The following ITGBL1 variants were observed in gnomAD, a reference collection of about 807,000 sequenced individuals.
ITGBL1 encodes integrin beta-like protein 1.
In ITGBL1, 51 loss-of-function variants were observed where a neutral mutation model predicts 68.5. The ratio of observed to expected loss-of-function variants is 0.74; its 90% CI spans 0.59 to 0.94. The LOEUF (loss-of-function observed/expected upper bound fraction) is 0.94, where lower values mean the gene tolerates loss of function less well. ITGBL1 is among the 40% of genes least tolerant of loss of function. ITGBL1 has a pLI of 0.00. For missense variants in ITGBL1, 649 were observed against 647.4 expected, an observed-to-expected ratio of 1.00 and a Z score of -0.03; for synonymous variants, 209 against 227.3, an observed-to-expected ratio of 0.92 and a Z score of 0.72.
At chr13:101,558,458 T>A (rs2050046257) in intron 2 of ITGBL1, among the ~76,000 whole-genome samples, 1 of 152,168 alleles carries the variant, frequency 6.6e-6, no homozygotes. Context: ...ACCCCCTGAA[T>A]CTAAATTTTT....
chr13:101,506,884 ATTGT>A (rs1230982992), intron 2 of ITGBL1, among the ~76,000 whole-genome samples: 8 of 152,176 alleles, frequency 5.3e-5, no homozygotes, highest in African/African-American at 1.7e-4. Context: ...AAAGAGAGTC[ATTGT>A]TTGTTCAGTG....
chr13:101,578,130 G>A (rs941872494), intron 4 of ITGBL1, among the ~76,000 whole-genome samples: 1 of 152,096 alleles, frequency 6.6e-6, no homozygotes, highest in African/African-American at 2.4e-5. Flanking sequence ...GACATGAATA[G>A]CGTAGGATAC....
intron 7 of ITGBL1, among the ~76,000 whole-genome samples, chr13:101,681,277 G>A (rs1460300910): frequency 6.6e-6 from 1 of 152,078 alleles, no homozygotes; most frequent in East Asian, 1.9e-4. Flanking sequence ...GTGTATGTGT[G>A]TGCGTGTGCC....
At chr13:101,648,801 A>T (rs1464279500) in intron 7 of ITGBL1, among the ~76,000 whole-genome samples, 1 of 152,116 alleles carries the variant, frequency 6.6e-6, no homozygotes, top group Non-Finnish European at 1.5e-5. Context: ...ATCTACAGTA[A>T]TAGAAGCTAG....
intron 6 of ITGBL1, among the ~76,000 whole-genome samples, chr13:101,588,516 C>A (rs1169296444): frequency 3.3e-5 from 5 of 152,068 alleles, no homozygotes; most frequent in African/African-American, 9.7e-5. Context: ...ATAAATTTGA[C>A]AAACCAGCAT....
intron 2 of ITGBL1, among the ~76,000 whole-genome samples, chr13:101,501,950 GCC>G (rs2139087151): frequency 6.6e-6 from 1 of 152,242 alleles, no homozygotes; most frequent in South Asian, 2.1e-4. Context: ...TTGAATGTAA[GCC>G]AGTTCCTTTT....
chr13:101,619,348 G>T (rs1323704916), intron 7 of ITGBL1, among the ~76,000 whole-genome samples: 2 of 151,764 alleles, frequency 1.3e-5, no homozygotes, highest in African/African-American at 2.4e-5. Context: ...AATCACAAGG[G>T]CCCTTACAAG....
chr13:101,567,981 G>C, intron 3 of ITGBL1, 136 bp downstream of exon 3: 2 of 691,296 alleles, frequency 2.9e-6, no homozygotes, highest in African/African-American at 3.7e-5. Flanking sequence ...GTGAAATTCA[G>C]ATAAATCAAT....
At chr13:101,632,149 C>A (rs9585739) in intron 7 of ITGBL1, among the ~76,000 whole-genome samples, 79,656 of 141,180 alleles carry the variant, frequency 0.56, 21,726 homozygotes, top group Non-Finnish European at 0.61. Context: ...CTCTCTCTCT[C>A]TATATATATA....
chr13:101,642,585 G>A (rs4580015), intron 7 of ITGBL1, among the ~76,000 whole-genome samples: 93,734 of 151,716 alleles, frequency 0.62, 29,716 homozygotes, highest in African/African-American at 0.76. Context: ...CCATTTGTCA[G>A]TTTTGGCTTT....
At chr13:101,608,237 G>T (rs2030965079) in intron 7 of ITGBL1, among the ~76,000 whole-genome samples, 1 of 152,024 alleles carries the variant, frequency 6.6e-6, no homozygotes, top group African/African-American at 2.4e-5. Context: ...TCAAAGAATA[G>T]TAGCATGCCA....
Position 101,462,972 on chromosome 13 carries a change from TC to T in ITGBL1, c.316+8874del, listed in dbSNP as rs573124522. 1.9e-3 allele frequency among the ~76,000 whole-genome samples: 291 copies of T among 152,294 alleles called. 1 individual carries two copies. The highest frequency in any genetic ancestry group is 6.7e-3 in the African/African-American group (280 of 41,568). On this transcript the variant is annotated intron_variant, in intron 2 of 10. Transcript: ENST00000376180. ...AGCCCAACAGTTGCCTGCATTCAGTTCCTGACATTGTCACTTGCCCACTGTG... is the reference window on the plus strand; with the variant it reads ...AGCCCAACAGTTGCCTGCATTCAGTTCTGACATTGTCACTTGCCCACTGTG...
intron 2 of ITGBL1, among the ~76,000 whole-genome samples, chr13:101,546,486 A>T (rs2049826129): frequency 6.6e-6 from 1 of 152,176 alleles, no homozygotes; most frequent in Non-Finnish European, 1.5e-5. Flanking sequence ...AAAGTAAAGA[A>T]AGATAATGAA....
intron 2 of ITGBL1, among the ~76,000 whole-genome samples, chr13:101,526,624 G>A (rs1337727114): frequency 6.6e-6 from 1 of 151,422 alleles, no homozygotes; most frequent in Non-Finnish European, 1.5e-5. Flanking sequence ...CTTTTGGTTT[G>A]ATTTTGAAAT....
At chr13:101,697,122 T>C (rs1332350549) in intron 8 of ITGBL1, among the ~76,000 whole-genome samples, 2 of 152,008 alleles carry the variant, frequency 1.3e-5, no homozygotes, top group Admixed American at 1.3e-4. Flanking sequence ...TATTACTTAC[T>C]CATGTATTAT....
intron 2 of ITGBL1, among the ~76,000 whole-genome samples, chr13:101,524,656 C>CT (rs71121199): frequency 0.73 from 102,056 of 139,550 alleles, 36,815 homozygotes; most frequent in South Asian, 0.76. Context: ...TATTCTTATT[C>CT]TTTTTTTTTT....
At chr13:101,531,845 T>G (rs919311525) in intron 2 of ITGBL1, among the ~76,000 whole-genome samples, 1 of 151,864 alleles carries the variant, frequency 6.6e-6, no homozygotes, top group African/African-American at 2.4e-5. Flanking sequence ...GCCATTCTCC[T>G]GCCTCAGCCT....
intron 7 of ITGBL1, among the ~76,000 whole-genome samples, chr13:101,603,604 T>C (rs911824099): frequency 1.3e-5 from 2 of 151,850 alleles, no homozygotes; most frequent in African/African-American, 4.8e-5. Context: ...TTTTACATTA[T>C]TATTTTACAT....
intron 9 of ITGBL1, chr13:101,712,333 A>C (rs2034508816): frequency 6.6e-6 from 1 of 152,174 alleles, no homozygotes; most frequent in African/African-American, 2.4e-5. Flanking sequence ...GACTTTCAGA[A>C]CTGGAATTTA....
Sources: allele counts gnomAD v4.1 joint callset (sites outside exome capture counted in the v4.1 genomes callset), GRCh38; gene constraint gnomAD v4.1.1; transcripts MANE v1.5; gene names NCBI Gene and HGNC (gene_info 2026-07-23, HGNC 2026-07-21).